Variants in PLCG2 observed in about 807,000 individuals in gnomAD.
PLCG2 encodes the protein 1-phosphatidylinositol 4,5-bisphosphate phosphodiesterase gamma-2.
A neutral mutation model predicts 175.6 loss-of-function variants in PLCG2; 69 were observed. The observed-to-expected ratio is 0.39, with a 90% CI of 0.32 to 0.48. The LOEUF is 0.48. Ranked by LOEUF, PLCG2 falls within the 20% of genes least tolerant of loss-of-function variation. PLCG2 has a pLI of 0.91. For missense variants in PLCG2, 1,798 were observed against 1,650.9 expected, an observed-to-expected ratio of 1.09 and a Z score of -1.54; for synonymous variants, 827 against 624.0, an observed-to-expected ratio of 1.33 and a Z score of -4.85.
At chr16:81,825,283 ATTTTTTTT>A (rs577002663) in intron 2 of PLCG2, among the ~76,000 whole-genome samples, 15 of 115,898 alleles carry the variant, frequency 1.3e-4, no homozygotes, top group African/African-American at 2.7e-4. Context: ...AGATGCTCTA[ATTTTTTTT>A]TTTTTTTTTT....
chr16:81,945,642 A>G (rs1373273481), intron 30 of PLCG2, among the ~76,000 whole-genome samples: 1 of 152,204 alleles, frequency 6.6e-6, no homozygotes, highest in Non-Finnish European at 1.5e-5. Flanking sequence ...CATTTAAATG[A>G]CTGTGAAAGA....
chr16:81,846,720 C>T (rs1315373658), intron 2 of PLCG2, among the ~76,000 whole-genome samples: 1 of 152,138 alleles, frequency 6.6e-6, no homozygotes, highest in Non-Finnish European at 1.5e-5. Flanking sequence ...TCTATAGATT[C>T]AACACAATCC....
intron 1 of PLCG2, among the ~76,000 whole-genome samples, chr16:81,749,417 A>G (rs1164387000): frequency 1.3e-5 from 2 of 152,038 alleles, no homozygotes; most frequent in Admixed American, 1.3e-4. Context: ...CAGTGGTGTG[A>G]TCTTGGCTCC....
intron 2 of PLCG2, among the ~76,000 whole-genome samples, chr16:81,788,433 A>G (rs1431580199): frequency 1.3e-5 from 2 of 152,106 alleles, no homozygotes; most frequent in African/African-American, 4.8e-5. Flanking sequence ...GGCGCCCGCC[A>G]CCACGCCCGG....
At chr16:81,760,473 G>A (rs557344033) in intron 2 of PLCG2, among the ~76,000 whole-genome samples, 1 of 152,274 alleles carries the variant, frequency 6.6e-6, no homozygotes, top group East Asian at 1.9e-4. Context: ...AGAGCTGAGC[G>A]TCCCTACCCA....
intron 2 of PLCG2, among the ~76,000 whole-genome samples, chr16:81,805,658 C>T (rs572901064): frequency 1.1e-4 from 17 of 152,102 alleles, no homozygotes; most frequent in African/African-American, 4.1e-4. Flanking sequence ...CTTTGCCATC[C>T]ATGTCTCCAT....
chr16:81,786,918 C>G (rs1412760705), intron 2 of PLCG2, among the ~76,000 whole-genome samples: 1 of 152,250 alleles, frequency 6.6e-6, no homozygotes, highest in African/African-American at 2.4e-5. Context: ...CCTACTGAGG[C>G]AAGCTCATTA....
At chr16:81,928,751 T>C in intron 24 of PLCG2, 127 bp downstream of exon 24, 1 of 693,816 alleles carries the variant, frequency 1.4e-6, no homozygotes, top group Non-Finnish European at 2.7e-6. Flanking sequence ...CTTCCCTGGC[T>C]GAAGCTGAGT....
intron 31 of PLCG2, among the ~76,000 whole-genome samples, chr16:81,949,009 G>A (rs748633395): frequency 6.6e-6 from 1 of 152,194 alleles, no homozygotes; most frequent in Admixed American, 6.5e-5. Context: ...CTGGAATTCA[G>A]AGAATAGACC....
At chr16:81,884,384 C>T (rs1368154410) in intron 9 of PLCG2, among the ~76,000 whole-genome samples, 3 of 140,886 alleles carry the variant, frequency 2.1e-5, no homozygotes, top group Non-Finnish European at 3.1e-5. Context: ...CCCACCCCAC[C>T]AAAAAAAAAA....
intron 1 of PLCG2, among the ~76,000 whole-genome samples, chr16:81,784,606 A>G (rs986916836): frequency 3.3e-5 from 5 of 152,212 alleles, no homozygotes; most frequent in Non-Finnish European, 7.3e-5. Context: ...GAGGGAAAGG[A>G]GGAGATAAGA....
intron 15 of PLCG2, among the ~76,000 whole-genome samples, chr16:81,907,309 AAAAAAAG>A: frequency 6.6e-6 from 1 of 152,128 alleles, no homozygotes; most frequent in East Asian, 1.9e-4. Flanking sequence ...TCGGGGGAAA[AAAAAAAG>A]AAGTCATTAA....
At chr16:81,922,852 A>G (rs1910113904) in intron 21 of PLCG2, among the ~76,000 whole-genome samples, 1 of 152,180 alleles carries the variant, frequency 6.6e-6, no homozygotes, top group African/African-American at 2.4e-5. Flanking sequence ...CATTGAAGAA[A>G]ATTTCTAACC....
At chr16:81,786,611 GC>G (rs1250504290) in intron 2 of PLCG2, among the ~76,000 whole-genome samples, 6 of 152,144 alleles carry the variant, frequency 3.9e-5, no homozygotes, top group African/African-American at 1.4e-4. Context: ...GCAGTGAGGG[GC>G]CTTTGCTTTA....
At chr16:81,927,716 G>A (rs1000688402) in intron 23 of PLCG2, among the ~76,000 whole-genome samples, 2 of 152,172 alleles carry the variant, frequency 1.3e-5, no homozygotes, top group Admixed American at 1.3e-4. Flanking sequence ...AGACCCCCAG[G>A]TGTTTATTTT....
Position 81,837,914 on chromosome 16 carries a change from T to G in PLCG2, c.194-16530T>G, listed in dbSNP as rs187662085. Among the ~76,000 whole-genome samples the G allele has an allele frequency of 6.8e-4, 103 of 152,240 alleles. 1 individual carries two copies. The highest frequency in any genetic ancestry group is 2.5e-3 in the African/African-American group (103 of 41,552). ...GAACCCACTACCAGTCTTATTCAGA[T>G]TTTCCCCCATTTTCCTTGTACTTGT... On this transcript the variant is annotated intron_variant, in intron 2 of 32. Transcript: ENST00000564138.
intron 2 of PLCG2, among the ~76,000 whole-genome samples, chr16:81,786,562 T>C (rs1910981542): frequency 6.6e-6 from 1 of 152,184 alleles, no homozygotes; most frequent in African/African-American, 2.4e-5. Flanking sequence ...AACTCATAGC[T>C]TGGTCGCCAA....
chr16:81,921,345 A>G lies in PLCG2; in HGVS notation c.2307+76A>G, dbSNP rs80070108. ...GTGGATTCCATCTTGTTCCCATGGC[A>G]GTTATAACAGGGCAAGGGAAGACTT... On this transcript the variant is annotated intron_variant, in intron 21 of 32. Coordinates refer to ENST00000564138, the MANE Select transcript of PLCG2 (RefSeq NM_002661.5). 2,430 of 972,308 alleles carry G rather than the reference A, an allele frequency of 2.5e-3. 43 individuals are homozygous for G. In the African/African-American group the frequency reaches 0.035, roughly 14 times the overall value. 60.2% of individuals were successfully genotyped at this position (972,308 alleles called of 1,614,324 possible). A position where few individuals can be genotyped will look rare whatever the true frequency, so the allele number is the denominator to read the frequency against.
At chr16:81,739,507 C>T (rs1440480918) in intron 1 of PLCG2, 1 of 152,230 alleles carries the variant, frequency 6.6e-6, no homozygotes, top group Non-Finnish European at 1.5e-5. Flanking sequence ...GCACTGAAGA[C>T]AGGCTTTGTG....
Sources: allele counts gnomAD v4.1 joint callset (sites outside exome capture counted in the v4.1 genomes callset), GRCh38; gene constraint gnomAD v4.1.1; transcripts MANE v1.5; gene names NCBI Gene and HGNC (gene_info 2026-07-23, HGNC 2026-07-21).